Variants in NCKAP5 observed in about 807,000 individuals in gnomAD.
NCKAP5 encodes the protein nck-associated protein 5.
A neutral mutation model predicts 167.0 loss-of-function variants in NCKAP5; 92 were observed. The ratio of observed to expected loss-of-function variants is 0.55; its 90% CI spans 0.47 to 0.66. The LOEUF (loss-of-function observed/expected upper bound fraction) is 0.66. Ranked by LOEUF, NCKAP5 falls within the 30% of genes least tolerant of loss-of-function variation. NCKAP5 has a pLI of 0.00. For missense variants in NCKAP5, 2,378 were observed against 2,315.0 expected (o/e 1.03, Z -0.56); for synonymous variants, 891 against 877.4 (o/e 1.02, Z -0.27).
intron 11 of NCKAP5, among the ~76,000 whole-genome samples, chr2:132,858,508 A>G (rs1464790878): frequency 6.6e-6 from 1 of 152,252 alleles, no homozygotes; most frequent in Non-Finnish European, 1.5e-5. Flanking sequence ...AAGTACTATC[A>G]GAAAATGAAA....
intron 5 of NCKAP5, among the ~76,000 whole-genome samples, chr2:133,206,754 G>T (rs1041078674): frequency 2.0e-5 from 3 of 152,104 alleles, no homozygotes; most frequent in Non-Finnish European, 4.4e-5. Flanking sequence ...GCCTATAAAC[G>T]GATGTGCAAG....
At chr2:133,285,323 A>G (rs557558043) in intron 4 of NCKAP5, among the ~76,000 whole-genome samples, 54 of 152,378 alleles carry the variant, frequency 3.5e-4, no homozygotes, top group African/African-American at 8.7e-4. Context: ...TAAACTTTAC[A>G]TAATCATTTT....
intron 3 of NCKAP5, among the ~76,000 whole-genome samples, chr2:133,468,744 G>T (rs939293034): frequency 4.6e-5 from 7 of 152,192 alleles, no homozygotes; most frequent in Non-Finnish European, 5.9e-5. Flanking sequence ...TTGTTGAATT[G>T]ATCCCTTTAC....
rs150198489 is a variant in NCKAP5 at position 132,773,855 on chromosome 2, C to T, written c.5089G>A (p.Asp1697Asn). Residue 1697 changes from aspartate (D) to asparagine (N), a missense_variant, in exon 16 of 20, where the codon GAT (aspartate) becomes AAT (asparagine). Coordinates refer to ENST00000409261, the MANE Select transcript of NCKAP5 (RefSeq NM_207363.3). ...ANENLQEDEDDAVADSVFQSH... is the reference protein window; with the variant it reads ...ANENLQEDEDNAVADSVFQSH... ...TGAAATACAGAATCTGCAACTGCAT[C>T]GTCTTCATCCTCTTGCAAGTTTTCA... is the stretch of plus-strand genomic sequence containing the variant. The T allele has an allele frequency of 5.0e-5, 81 of 1,611,004 alleles. No homozygotes were observed. In the East Asian group the frequency reaches 1.6e-3, roughly 31 times the overall value.
intron 6 of NCKAP5, among the ~76,000 whole-genome samples, chr2:133,092,714 A>G (rs972730283): frequency 6.6e-6 from 1 of 152,212 alleles, no homozygotes; most frequent in Non-Finnish European, 1.5e-5. Flanking sequence ...CAGTGGCCCT[A>G]GAAAAGTAAT....
intron 3 of NCKAP5, among the ~76,000 whole-genome samples, chr2:133,450,086 C>A (rs1691451983): frequency 6.6e-6 from 1 of 152,092 alleles, no homozygotes; most frequent in African/African-American, 2.4e-5. Context: ...CTACTTGAGG[C>A]AATACAGGCC....
At chr2:133,304,740 C>T (rs78132016) in intron 3 of NCKAP5, among the ~76,000 whole-genome samples, 17,344 of 152,198 alleles carry the variant, frequency 0.11, 1,027 homozygotes, top group South Asian at 0.14. Context: ...CTGTTAGATG[C>T]GAAGAGCTGT....
chr2:132,805,720 T>C (rs1336824686), intron 11 of NCKAP5, among the ~76,000 whole-genome samples: 1 of 151,820 alleles, frequency 6.6e-6, no homozygotes, highest in African/African-American at 2.4e-5. Context: ...TTGTGCTAAG[T>C]GTTTACATTA....
chr2:133,450,364 T>A, intron 3 of NCKAP5, among the ~76,000 whole-genome samples: 1 of 152,174 alleles, frequency 6.6e-6, no homozygotes, highest in East Asian at 1.9e-4. Flanking sequence ...TGAACACAGT[T>A]GTTTTCAGCA....
intron 4 of NCKAP5, among the ~76,000 whole-genome samples, chr2:133,228,484 C>T (rs1011544739): frequency 6.6e-6 from 1 of 152,158 alleles, no homozygotes. Context: ...TGTGACTTAA[C>T]AATTTATATT....
At chr2:133,446,328 G>A (rs933800634) in intron 3 of NCKAP5, among the ~76,000 whole-genome samples, 1 of 152,180 alleles carries the variant, frequency 6.6e-6, no homozygotes, top group African/African-American at 2.4e-5. Flanking sequence ...AAAGCTTTCT[G>A]GAGCCCAGAA....
chr2:133,037,413 T>C (rs189574179), intron 6 of NCKAP5, among the ~76,000 whole-genome samples: 28 of 152,210 alleles, frequency 1.8e-4, no homozygotes, highest in Non-Finnish European at 3.7e-4. Context: ...AGAGGTATAG[T>C]AAACAAAACA....
In NCKAP5 at chr2:133,319,366, A is replaced by C. The variant is rs550488765; in HGVS notation, c.70-16256T>G. Among the ~76,000 whole-genome samples the C allele has an allele frequency of 4.7e-4, 72 of 152,272 alleles. 2 individuals are homozygous for C. The highest frequency in any genetic ancestry group is 6.8e-3 in the Middle Eastern group (2 of 294). On this transcript the variant is annotated intron_variant, in intron 3 of 19. Coordinates refer to ENST00000409261, the MANE Select transcript of NCKAP5 (RefSeq NM_207363.3). ...ACCAGCAACAGCTGCCCTGCTGTGA[A>C]GCCTATGTTTGTACTTAATGATTTA... is the stretch of plus-strand genomic sequence containing the variant.
At chr2:133,104,404 T>C (rs1004840280) in intron 6 of NCKAP5, among the ~76,000 whole-genome samples, 5 of 152,238 alleles carry the variant, frequency 3.3e-5, no homozygotes, top group Admixed American at 6.5e-5. Context: ...ACTCAGTTTC[T>C]ACATTTGGAG....
At chr2:133,401,212 G>A (rs1688075467) in intron 3 of NCKAP5, among the ~76,000 whole-genome samples, 1 of 152,202 alleles carries the variant, frequency 6.6e-6, no homozygotes. Context: ...AACGCATTGA[G>A]GTTCTGGCAG....
chr2:133,131,334 T>C (rs971150904), intron 5 of NCKAP5, among the ~76,000 whole-genome samples: 1 of 152,158 alleles, frequency 6.6e-6, no homozygotes, highest in Non-Finnish European at 1.5e-5. Flanking sequence ...AGCCATGTCC[T>C]CTACAACTTA....
rs760885924 is a variant in NCKAP5 at position 132,782,152 on chromosome 2, T to C, written c.4659A>G (p.Lys1553=). The change falls in exon 14 of 20, where the codon AAA becomes AAG. Residue 1553 remains lysine, a synonymous_variant. Coordinates refer to ENST00000409261, the MANE Select transcript of NCKAP5 (RefSeq NM_207363.3). Reference sequence around the variant, plus strand: ...ACTGTAGTTCAGGCTTCTTTTTCTCTTTTTTTCTTTCTGATTTTAGTTGTC... The same window carrying C: ...ACTGTAGTTCAGGCTTCTTTTTCTCCTTTTTTCTTTCTGATTTTAGTTGTC... ...GNRQLKSERK[K]EKKKPELQCE... 2.5e-6 allele frequency: 4 copies of C among 1,609,032 alleles called. No individual in the cohort carries two copies. The East Asian group carries it at 6.7e-5, about 27-fold the overall frequency.
At position 132,812,150 on chromosome 2, in the gene NCKAP5, G is replaced by A. The variant is rs72991316; in HGVS notation, c.808-15421C>T. ...TCTCCTGGGTCCTGCAGGAGCGGTCGCTTCCTTTGCAGGGTCTGTGAGTCC... is the reference window on the plus strand; with the variant it reads ...TCTCCTGGGTCCTGCAGGAGCGGTCACTTCCTTTGCAGGGTCTGTGAGTCC... On this transcript the variant is annotated intron_variant, in intron 11 of 19. Transcript: ENST00000409261. 9.7e-3 allele frequency among the ~76,000 whole-genome samples: 1,478 copies of A among 152,168 alleles called. 20 individuals are homozygous for A. The highest frequency in any genetic ancestry group is 0.034 in the African/African-American group (1,419 of 41,514).
chr2:132,881,751 T>A (rs1227658549), intron 8 of NCKAP5, among the ~76,000 whole-genome samples: 1 of 152,024 alleles, frequency 6.6e-6, no homozygotes, highest in African/African-American at 2.4e-5. Flanking sequence ...TTTCATCACT[T>A]GGTTAAGGTA....
Sources: gnomAD v4.1 joint callset for allele counts (sites outside exome capture counted in the v4.1 genomes callset) on GRCh38, gnomAD v4.1.1 for gene constraint, MANE v1.5 for transcripts, NCBI Gene and HGNC (gene_info 2026-07-23, HGNC 2026-07-21) for gene names.